TFEC: variants seen among roughly 807,000 people sequenced by gnomAD.
TFEC encodes class E basic helix-loop-helix protein 34.
Under a neutral mutation model 41.6 loss-of-function variants are expected in TFEC, and 31 were observed. The ratio of observed to expected loss-of-function variants is 0.74; its 90% confidence interval spans 0.56 to 1.01. The LOEUF is 1.01. Ranked by LOEUF, TFEC falls within the 50% of genes least tolerant of loss-of-function variation. The pLI, the probability that TFEC is intolerant of heterozygous loss-of-function variation, is 0.00. For missense variants in TFEC, 402 were observed against 404.1 expected, an observed-to-expected ratio of 0.99 and a Z score of 0.04; for synonymous variants, 143 against 140.6, an observed-to-expected ratio of 1.02 and a Z score of -0.12.
At chr7:116,095,607 T>C (rs1797433908) in intron 3 of TFEC, among the ~76,000 whole-genome samples, 1 of 152,178 alleles carries the variant, frequency 6.6e-6, no homozygotes. Context: ...ACTACCAAAG[T>C]AGCCTTTTAT....
At chr7:116,156,012 GTTTT>G (rs954840985) in intron 1 of TFEC, among the ~76,000 whole-genome samples, 4 of 152,104 alleles carry the variant, frequency 2.6e-5, no homozygotes, top group African/African-American at 4.8e-5. Context: ...TGATTTCTGA[GTTTT>G]TTGTTTTTGT....
At chr7:116,129,068 A>G (rs1345723634) in intron 1 of TFEC, among the ~76,000 whole-genome samples, 1 of 152,200 alleles carries the variant, frequency 6.6e-6, no homozygotes, top group Non-Finnish European at 1.5e-5. Context: ...CATCTAAGTT[A>G]AAACCAGTCA....
At chr7:116,072,751 C>T (rs1431166136) in intron 3 of TFEC, among the ~76,000 whole-genome samples, 1 of 151,450 alleles carries the variant, frequency 6.6e-6, no homozygotes, top group African/African-American at 2.4e-5. Context: ...AAGCATCTGA[C>T]AAAATATAGC....
intron 3 of TFEC, among the ~76,000 whole-genome samples, chr7:116,089,445 T>C (rs1383092587): frequency 1.3e-5 from 2 of 152,098 alleles, no homozygotes; most frequent in Non-Finnish European, 2.9e-5. Flanking sequence ...CAGGAGACCA[T>C]TAAAAAGTTT....
At chr7:116,076,097 G>A (rs974093555) in intron 3 of TFEC, among the ~76,000 whole-genome samples, 1 of 152,100 alleles carries the variant, frequency 6.6e-6, no homozygotes. Context: ...CACATCACAG[G>A]ACTCTTTACA....
chr7:116,131,422 C>T (rs1014181906), intron 1 of TFEC, among the ~76,000 whole-genome samples: 2 of 152,140 alleles, frequency 1.3e-5, no homozygotes, highest in African/African-American at 4.8e-5. Context: ...TCATCCATAA[C>T]ATAGATCTTT....
At chr7:116,012,947 A>G (rs1795057228) in intron 1 of TFEC, among the ~76,000 whole-genome samples, 1 of 151,676 alleles carries the variant, frequency 6.6e-6, no homozygotes, top group Admixed American at 6.6e-5. Flanking sequence ...AGTCATTTTT[A>G]TCATAATAAA....
chr7:115,937,336 T>C lies in TFEC; in HGVS notation c.*3215A>G, dbSNP rs1319828096. On this transcript the variant is annotated 3_prime_UTR_variant, in exon 8 of 8. Transcript: ENST00000265440. ...CAGTTGATGCTTTTTGTGACAGCAT[T>C]GTTTGATAAACATATGCCTCTTTTA... 3 of 151,776 alleles carry C rather than the reference T, an allele frequency of 2.0e-5. No homozygotes were observed. The highest frequency in any genetic ancestry group is 4.4e-5 in the Non-Finnish European group (3 of 67,746). The allele number at this position is 151,776 out of a possible 1,614,324, so 9.4% of individuals were successfully genotyped here.
chr7:115,988,446 T>G (rs1218511910), intron 1 of TFEC, among the ~76,000 whole-genome samples: 1 of 151,986 alleles, frequency 6.6e-6, no homozygotes. Flanking sequence ...GATGAGTTTA[T>G]TAATACACTG....
At chr7:116,095,844 C>T (rs527687216) in intron 3 of TFEC, among the ~76,000 whole-genome samples, 1 of 152,080 alleles carries the variant, frequency 6.6e-6, no homozygotes, top group African/African-American at 2.4e-5. Flanking sequence ...TCATCCACTA[C>T]TCTCAACCCT....
chr7:116,118,236 A>G (rs1050726914), intron 1 of TFEC, among the ~76,000 whole-genome samples: 2 of 151,872 alleles, frequency 1.3e-5, no homozygotes, highest in Non-Finnish European at 2.9e-5. Context: ...ACTGATGGTC[A>G]GTCTAACAAA....
At chr7:115,950,830 T>A (rs1421138076) in intron 6 of TFEC, 44 bp downstream of exon 6, 6 of 1,445,898 alleles carry the variant, frequency 4.1e-6, no homozygotes, top group Non-Finnish European at 4.8e-6. Context: ...ATTTTGGGGG[T>A]CTTTAAATTA....
chr7:115,949,410 G>A (rs1402831091), intron 6 of TFEC, among the ~76,000 whole-genome samples: 1 of 152,078 alleles, frequency 6.6e-6, no homozygotes, highest in Admixed American at 6.6e-5. Context: ...TAAGCCAAAA[G>A]AACAAAGCTG....
intron 1 of TFEC, among the ~76,000 whole-genome samples, chr7:116,122,602 C>T (rs1019762642): frequency 5.9e-5 from 9 of 152,032 alleles, no homozygotes; most frequent in African/African-American, 1.7e-4. Flanking sequence ...TGTACCAGGC[C>T]CTTTAGCAAG....
intron 1 of TFEC, among the ~76,000 whole-genome samples, chr7:116,141,743 T>C (rs1337463442): frequency 6.6e-6 from 1 of 152,180 alleles, no homozygotes; most frequent in East Asian, 1.9e-4. Flanking sequence ...AGAAGTTGGG[T>C]TTGTTTTACA....
At chr7:115,997,267 T>A (rs1411093432) in intron 1 of TFEC, among the ~76,000 whole-genome samples, 1 of 151,942 alleles carries the variant, frequency 6.6e-6, no homozygotes, top group African/African-American at 2.4e-5. Flanking sequence ...TGAGAGAAGG[T>A]AAGGGAAAAG....
chr7:115,974,399 C>A (rs1173776482), intron 2 of TFEC, 143 bp from the exon 3 acceptor site: 10 of 95,580 alleles, frequency 1.0e-4, no homozygotes, highest in South Asian at 4.1e-4. Context: ...TATATAAAAC[C>A]TCAATATTAT....
intron 1 of TFEC, among the ~76,000 whole-genome samples, chr7:116,139,022 G>A (rs1798488239): frequency 6.6e-6 from 1 of 152,048 alleles, no homozygotes; most frequent in African/African-American, 2.4e-5. Context: ...TATTACAGGA[G>A]GCTTCTACCT....
chr7:116,108,795 C>G (rs192745312), intron 3 of TFEC, among the ~76,000 whole-genome samples: 1 of 152,280 alleles, frequency 6.6e-6, no homozygotes, highest in Admixed American at 6.5e-5. Flanking sequence ...CTCTACAAAA[C>G]GTAATCTTCA....
Sources: allele counts gnomAD v4.1 joint callset (sites outside exome capture counted in the v4.1 genomes callset), GRCh38; gene constraint gnomAD v4.1.1; transcripts MANE v1.5; gene names NCBI Gene and HGNC (gene_info 2026-07-23, HGNC 2026-07-21).